The following TBL1XR1 variants were observed in gnomAD, a reference collection of about 807,000 sequenced individuals.
TBL1XR1 encodes TBL1X/Y related 1.
A neutral mutation model predicts 66.9 loss-of-function variants in TBL1XR1; 5 were observed. The ratio of observed to expected loss-of-function variants is 0.07; its 90% confidence interval spans 0.04 to 0.16. The LOEUF (loss-of-function observed/expected upper bound fraction) is 0.16. Among genes scored for constraint, TBL1XR1 ranks in the 10% least tolerant of loss-of-function variants. The pLI is 1.00. For missense variants in TBL1XR1, 238 were observed against 623.2 expected (o/e 0.38, Z 6.58); for synonymous variants, 210 against 206.0 (o/e 1.02, Z -0.17).
intron 10 of TBL1XR1, among the ~76,000 whole-genome samples, chr3:177,040,481 C>T (rs890962145): frequency 8.5e-5 from 13 of 152,078 alleles, no homozygotes; most frequent in African/African-American, 3.1e-4. Flanking sequence ...AAAAATGAAA[C>T]ATAAACAGGT....
chr3:177,019,996 AAAAG>A lies in TBL1XR1; in HGVS notation c.*5498_*5501del, dbSNP rs1297247140. On this transcript the variant is annotated 3_prime_UTR_variant, in exon 16 of 16. Transcript: ENST00000457928. ...AGAGTGTAAATTCTTAAAAAAAAAA[AAAAG>A]AAAATATGCTCAATGATTCTTTTTA... 2.6e-5 allele frequency: 4 copies of A among 151,934 alleles called. No homozygotes were observed. The highest frequency in any genetic ancestry group is 2.1e-4 in the South Asian group (1 of 4,824). 9.4% of individuals were successfully genotyped at this position (151,934 alleles called of 1,614,324 possible).
intron 14 of TBL1XR1, among the ~76,000 whole-genome samples, chr3:177,031,639 T>C (rs1714020369): frequency 6.7e-6 from 1 of 148,378 alleles, no homozygotes; most frequent in Non-Finnish European, 1.5e-5. Context: ...CCTAAAATTT[T>C]ATTAGAAGGC....
intron 2 of TBL1XR1, among the ~76,000 whole-genome samples, chr3:177,072,191 G>A (rs562751697): frequency 3.3e-5 from 5 of 152,122 alleles, no homozygotes; most frequent in East Asian, 1.9e-4. Context: ...AATCAGATAC[G>A]GTATTCTATT....
chr3:177,122,086 A>AT (rs1314396784), intron 1 of TBL1XR1, among the ~76,000 whole-genome samples: 1 of 152,154 alleles, frequency 6.6e-6, no homozygotes, highest in Admixed American at 6.6e-5. Flanking sequence ...GCAACGTTTT[A>AT]TTCTATTAAT....
At chr3:177,059,563 T>C (rs540840448) in intron 3 of TBL1XR1, among the ~76,000 whole-genome samples, 4 of 152,256 alleles carry the variant, frequency 2.6e-5, no homozygotes, top group African/African-American at 9.6e-5. Context: ...AAGGCCTGTA[T>C]TTCTAAGGAG....
intron 1 of TBL1XR1, among the ~76,000 whole-genome samples, chr3:177,168,283 C>CTT (rs11307636): frequency 4.8e-4 from 69 of 142,832 alleles, no homozygotes; most frequent in African/African-American, 1.1e-3. Context: ...GGAAATAAAC[C>CTT]TTTTTTTTTT....
chr3:177,100,496 T>C (rs1287266911), intron 1 of TBL1XR1, among the ~76,000 whole-genome samples: 2 of 151,968 alleles, frequency 1.3e-5, no homozygotes, highest in African/African-American at 4.8e-5. Flanking sequence ...CAATCTCAGC[T>C]CACTGCAACC....
chr3:177,142,716 A>T (rs1235217909), intron 1 of TBL1XR1, among the ~76,000 whole-genome samples: 1 of 152,248 alleles, frequency 6.6e-6, no homozygotes, highest in East Asian at 1.9e-4. Flanking sequence ...ATAAAAATTT[A>T]AAATAATAAA....
intron 4 of TBL1XR1, among the ~76,000 whole-genome samples, chr3:177,053,274 C>T (rs1373399787): frequency 6.6e-6 from 1 of 152,126 alleles, no homozygotes; most frequent in Non-Finnish European, 1.5e-5. Context: ...TATGTAAATG[C>T]ATGTGGCTAT....
chr3:177,101,526 C>G (rs111746846), intron 1 of TBL1XR1, among the ~76,000 whole-genome samples: 5 of 152,026 alleles, frequency 3.3e-5, no homozygotes, highest in Admixed American at 3.3e-4. Context: ...GGGTGTAGCC[C>G]CCATGATGGG....
At chr3:177,089,177 T>C (rs973481261) in intron 2 of TBL1XR1, among the ~76,000 whole-genome samples, 2 of 152,114 alleles carry the variant, frequency 1.3e-5, no homozygotes, top group African/African-American at 4.8e-5. Flanking sequence ...AAAGAGGTGA[T>C]TTACTAATTA....
At chr3:177,178,447 A>C (rs1039240883) in intron 1 of TBL1XR1, among the ~76,000 whole-genome samples, 7 of 152,122 alleles carry the variant, frequency 4.6e-5, no homozygotes, top group Admixed American at 4.6e-4. Context: ...CTTTATGAGA[A>C]AAAAAAAGGA....
intron 2 of TBL1XR1, chr3:177,079,673 A>T (rs1257208673): frequency 6.6e-6 from 1 of 152,006 alleles, no homozygotes; most frequent in Non-Finnish European, 1.5e-5. Context: ...GCAGTAAAAT[A>T]AAAAAGTGTC....
At chr3:177,125,967 T>C (rs111872456) in intron 1 of TBL1XR1, 59 of 152,310 alleles carry the variant, frequency 3.9e-4, no homozygotes, top group African/African-American at 1.3e-3. Flanking sequence ...TAGGTGTATA[T>C]ATTTATGAAG....
At chr3:177,044,770 A>G (rs897933158) in intron 10 of TBL1XR1, 2 of 152,180 alleles carry the variant, frequency 1.3e-5, no homozygotes, top group African/African-American at 4.8e-5. Flanking sequence ...TATGTACCTC[A>G]TCAGGTTGTA....
intron 1 of TBL1XR1, among the ~76,000 whole-genome samples, chr3:177,170,661 G>A (rs1197832697): frequency 6.6e-6 from 1 of 152,042 alleles, no homozygotes; most frequent in East Asian, 1.9e-4. Context: ...TTTGGGACAG[G>A]GTCTCACTGT....
At chr3:177,148,931 G>A (rs530172829) in intron 1 of TBL1XR1, among the ~76,000 whole-genome samples, 9 of 151,460 alleles carry the variant, frequency 5.9e-5, no homozygotes, top group African/African-American at 2.2e-4. Context: ...TTGAACCCAG[G>A]AGGCAGAGGT....
chr3:177,090,059 T>G (rs1722632575), intron 2 of TBL1XR1, among the ~76,000 whole-genome samples: 1 of 152,208 alleles, frequency 6.6e-6, no homozygotes, highest in African/African-American at 2.4e-5. Flanking sequence ...CAAATTGACA[T>G]GCACATTTCA....
chr3:177,145,147 A>G (rs1037682398), intron 1 of TBL1XR1, among the ~76,000 whole-genome samples: 3 of 152,220 alleles, frequency 2.0e-5, no homozygotes, highest in East Asian at 3.8e-4. Flanking sequence ...GGAACCTTGG[A>G]AAGTCCCTAA....
Sources: gnomAD v4.1 joint callset for allele counts (sites outside exome capture counted in the v4.1 genomes callset) on GRCh38, gnomAD v4.1.1 for gene constraint, MANE v1.5 for transcripts, NCBI Gene and HGNC (gene_info 2026-07-23, HGNC 2026-07-21) for gene names.